The following TMEM236 variants were observed in gnomAD, a reference collection of about 807,000 sequenced individuals.
TMEM236 encodes the protein transmembrane protein 236.
TMEM236 carries 11 observed loss-of-function variants against 14.7 expected under a neutral mutation model. That is an observed-to-expected ratio of 0.75 (90% CI 0.47 to 1.24). The LOEUF is 1.24. Ranked by LOEUF, TMEM236 falls within the 50% of genes most tolerant of loss-of-function variation. The pLI is 0.00. For synonymous variants in TMEM236, 182 were observed against 168.6 expected, an observed-to-expected ratio of 1.08 and a Z score of -0.62; for missense variants, 464 against 427.3, an observed-to-expected ratio of 1.09 and a Z score of -0.76.
At chr10:17,762,727 G>A (rs553952920) in intron 1 of TMEM236, among the ~76,000 whole-genome samples, 1 of 150,470 alleles carries the variant, frequency 6.6e-6, no homozygotes, top group African/African-American at 2.4e-5. Context: ...GAGTGCAGTG[G>A]CATGATCATA....
intron 2 of TMEM236, among the ~76,000 whole-genome samples, chr10:17,771,874 G>A (rs34674029): frequency 6.6e-6 from 1 of 151,822 alleles, no homozygotes; most frequent in African/African-American, 2.4e-5. Flanking sequence ...ATAGAAACCA[G>A]CAGGGCAGGA....
At chr10:17,795,573 T>C (rs1004989840) in intron 3 of TMEM236, among the ~76,000 whole-genome samples, 25 of 152,316 alleles carry the variant, frequency 1.6e-4, no homozygotes, top group African/African-American at 6.0e-4. Flanking sequence ...TTTTTCAATG[T>C]GCTACTTCAG....
intron 1 of TMEM236, among the ~76,000 whole-genome samples, chr10:17,764,968 C>T (rs781895922): frequency 1.3e-4 from 20 of 151,308 alleles, no homozygotes; most frequent in Non-Finnish European, 2.2e-4. Flanking sequence ...ACTACAGGCG[C>T]GCACTACCAT....
At chr10:17,754,945 T>TTTAC (rs1188802174) in intron 1 of TMEM236, among the ~76,000 whole-genome samples, 2 of 151,080 alleles carry the variant, frequency 1.3e-5, no homozygotes, top group Non-Finnish European at 2.9e-5. Context: ...TATTTATTTA[T>TTTAC]TTATTTATTT....
chr10:17,754,681 G>A (rs1554833604), intron 1 of TMEM236, among the ~76,000 whole-genome samples: 1 of 152,104 alleles, frequency 6.6e-6, no homozygotes, highest in Admixed American at 6.6e-5. Flanking sequence ...TGTTACCCTT[G>A]TAGGGGAGGA....
At chr10:17,767,317 C>G (rs1238624385) in intron 1 of TMEM236, among the ~76,000 whole-genome samples, 3 of 152,058 alleles carry the variant, frequency 2.0e-5, no homozygotes, top group African/African-American at 7.2e-5. Context: ...AAAAATTAGC[C>G]AGGCGTGGTG....
In TMEM236 at chr10:17,796,259, A is replaced by G; in HGVS notation, c.811A>G (p.Ile271Val). 3 of 1,613,938 alleles carry G rather than the reference A, an allele frequency of 1.9e-6. No individual in the cohort carries two copies. The highest frequency in any genetic ancestry group is 1.1e-5 in the South Asian group (1 of 91,070). ...GTCAAGCTGGCTATACCCAGTCTAC[A>G]TATTCAGTTTTATTTCTCTCCTTCG... is the stretch of plus-strand genomic sequence containing the variant. ...YKSSWLYPVYIFSFISLLRIT... is the reference protein window; with the variant it reads ...YKSSWLYPVYVFSFISLLRIT... The change falls in exon 4 of 4, where the codon ATA (isoleucine) becomes GTA (valine). Residue 271 changes from isoleucine (I) to valine (V), a missense_variant. Transcript: ENST00000377495.
At chr10:17,753,441 C>G (rs1837238419) in intron 1 of TMEM236, among the ~76,000 whole-genome samples, 1 of 152,124 alleles carries the variant, frequency 6.6e-6, no homozygotes, top group East Asian at 1.9e-4. Context: ...TTGTTCCCCT[C>G]TGTGTGTGCA....
rs1038820584 is a variant in TMEM236, at chr10:17,779,041, T to C, written c.472+2871T>C. On this transcript the variant is annotated intron_variant, in intron 3 of 3. Transcript: ENST00000377495. Reference sequence around the variant, plus strand: ...CTCTGTAGCACGGCAGTCTCACAGATGTACGTGGTACCTAGGAATGCCAAT... The same window carrying C: ...CTCTGTAGCACGGCAGTCTCACAGACGTACGTGGTACCTAGGAATGCCAAT... Among the ~76,000 whole-genome samples the C allele has an allele frequency of 1.0e-3, 153 of 152,276 alleles. 1 individual carries two copies. Among genetic ancestry groups the C allele is most frequent in the African/African-American group, 3.3e-3 (138 of 41,554 alleles).
At chr10:17,757,931 G>C (rs1254889697) in intron 1 of TMEM236, among the ~76,000 whole-genome samples, 1 of 151,912 alleles carries the variant, frequency 6.6e-6, no homozygotes, top group East Asian at 1.9e-4. Context: ...ACCACGCCTG[G>C]CTAATTTTTT....
intron 3 of TMEM236, among the ~76,000 whole-genome samples, chr10:17,790,723 AT>A (rs1837912262): frequency 6.6e-6 from 1 of 151,900 alleles, no homozygotes. Context: ...TGCTCCATAT[AT>A]TTTTCTCAGT....
chr10:17,778,248 C>T (rs1837691392), intron 3 of TMEM236, among the ~76,000 whole-genome samples: 1 of 152,088 alleles, frequency 6.6e-6, no homozygotes, highest in Non-Finnish European at 1.5e-5. Flanking sequence ...ATAGTTCCAC[C>T]GTTTAATAAA....
chr10:17,762,574 C>CATATAT (rs878958449), intron 1 of TMEM236, among the ~76,000 whole-genome samples: 13 of 53,052 alleles, frequency 2.5e-4, no homozygotes, highest in Non-Finnish European at 4.5e-4. Context: ...ATCTGAATTT[C>CATATAT]ATATATATAT....
chr10:17,779,292 C>T (rs987100567), intron 3 of TMEM236, among the ~76,000 whole-genome samples: 10 of 152,050 alleles, frequency 6.6e-5, no homozygotes, highest in African/African-American at 2.4e-4. Context: ...TGACCTTGAA[C>T]CACCTAGAAG....
intron 1 of TMEM236, among the ~76,000 whole-genome samples, chr10:17,768,706 A>C: frequency 6.6e-6 from 1 of 150,776 alleles, no homozygotes; most frequent in African/African-American, 2.5e-5. Context: ...CTAGGTAGTC[A>C]TAGGGCTATG....
At chr10:17,768,727 A>ATGTGTG (rs570319904) in intron 1 of TMEM236, among the ~76,000 whole-genome samples, 16,166 of 144,116 alleles carry the variant, frequency 0.11, 878 homozygotes, top group Middle Eastern at 0.13. Context: ...TATACAACTC[A>ATGTGTG]TGTGTGTGTG....
intron 1 of TMEM236, among the ~76,000 whole-genome samples, chr10:17,767,801 T>G (rs1373571355): frequency 2.0e-5 from 3 of 152,166 alleles, no homozygotes; most frequent in Non-Finnish European, 4.4e-5. Flanking sequence ...ATCACAGATC[T>G]TTTCATATGT....
At chr10:17,795,117 A>G (rs1329651691) in intron 3 of TMEM236, among the ~76,000 whole-genome samples, 2 of 152,182 alleles carry the variant, frequency 1.3e-5, no homozygotes, top group Non-Finnish European at 2.9e-5. Context: ...AATCTCTGTA[A>G]GCCTCTTCTT....
At chr10:17,786,977 C>T (rs1278726114) in intron 3 of TMEM236, among the ~76,000 whole-genome samples, 2 of 152,172 alleles carry the variant, frequency 1.3e-5, no homozygotes, top group African/African-American at 2.4e-5. Flanking sequence ...CTCTTGCTGC[C>T]GCCATGGAAG....
Sources: allele counts gnomAD v4.1 joint callset (sites outside exome capture counted in the v4.1 genomes callset), GRCh38; gene constraint gnomAD v4.1.1; transcripts MANE v1.5; gene names NCBI Gene and HGNC (gene_info 2026-07-23, HGNC 2026-07-21).